RNF145: variants seen among roughly 807,000 people sequenced by gnomAD.
RNF145 encodes ring finger protein 145.
RNF145 carries 12 observed loss-of-function variants against 57.3 expected under a neutral mutation model. The observed-to-expected ratio is 0.21, with a 90% confidence interval of 0.13 to 0.34. The LOEUF (loss-of-function observed/expected upper bound fraction) is 0.34. Among genes scored for constraint, RNF145 ranks in the 10% least tolerant of loss-of-function variants. The pLI is 1.00. For missense variants in RNF145, 429 were observed against 799.0 expected (o/e 0.54, Z 5.58); for synonymous variants, 262 against 288.3 (o/e 0.91, Z 0.92).
chr5:159,208,159 G>T (rs1003704305), intron 1 of RNF145: 13 of 1,408,522 alleles, frequency 9.2e-6, no homozygotes, highest in African/African-American at 1.4e-5. Flanking sequence ...AGATGCGTTT[G>T]AACTACAGTA....
At chr5:159,166,960 AAAATAAAT>A (rs57272070) in intron 8 of RNF145, among the ~76,000 whole-genome samples, 4 of 151,948 alleles carry the variant, frequency 2.6e-5, no homozygotes, top group Non-Finnish European at 5.9e-5. Context: ...TCCATCTCTA[AAAATAAAT>A]AAATAAATAA....
intron 9 of RNF145, 51 bp downstream of exon 9, chr5:159,162,881 G>C (rs778007331): frequency 6.8e-7 from 1 of 1,476,352 alleles, no homozygotes; most frequent in East Asian, 2.3e-5. Context: ...CCTCTGGGAG[G>C]AAAAATAACA....
intron 8 of RNF145, among the ~76,000 whole-genome samples, chr5:159,163,663 G>C (rs1784303627): frequency 1.3e-5 from 2 of 152,152 alleles, no homozygotes; most frequent in African/African-American, 2.4e-5. Context: ...GATCTATCCA[G>C]GACACTGCCA....
At chr5:159,186,755 G>GTATT (rs199890605) in intron 3 of RNF145, among the ~76,000 whole-genome samples, 1,622 of 152,230 alleles carry the variant, frequency 0.011, 29 homozygotes, top group African/African-American at 0.037. Context: ...TTGAGTGCCT[G>GTATT]TATTTGATAA....
intron 1 of RNF145, 37 bp from the exon 2 acceptor site, chr5:159,203,693 GTC>G: frequency 7.0e-7 from 1 of 1,431,754 alleles, no homozygotes; most frequent in Non-Finnish European, 9.5e-7. Context: ...AAAATAAAAA[GTC>G]AACACAAATC....
At chr5:159,180,025 TG>T (rs1173581939) in intron 4 of RNF145, among the ~76,000 whole-genome samples, 1 of 152,062 alleles carries the variant, frequency 6.6e-6, no homozygotes, top group Non-Finnish European at 1.5e-5. Flanking sequence ...GGGGAGGTTG[TG>T]GCTGGCTTCT....
At chr5:159,195,594 T>C (rs1045653942) in intron 2 of RNF145, among the ~76,000 whole-genome samples, 28 of 152,200 alleles carry the variant, frequency 1.8e-4, no homozygotes, top group African/African-American at 6.8e-4. Flanking sequence ...CATCAAAACG[T>C]TGTTACTCTT....
intron 8 of RNF145, 72 bp from the exon 9 acceptor site, chr5:159,163,151 A>T: frequency 7.4e-7 from 1 of 1,359,688 alleles, no homozygotes; most frequent in Non-Finnish European, 1.0e-6. Flanking sequence ...TCAGCAGCTA[A>T]CATCTCTGGT....
chr5:159,199,912 T>C (rs1051822607), intron 2 of RNF145, among the ~76,000 whole-genome samples: 1 of 152,176 alleles, frequency 6.6e-6, no homozygotes, highest in Admixed American at 6.5e-5. Flanking sequence ...CACAATTACA[T>C]TCCATTAAAT....
At chr5:159,172,389 G>C (rs189406754) in intron 6 of RNF145, among the ~76,000 whole-genome samples, 1 of 152,022 alleles carries the variant, frequency 6.6e-6, no homozygotes, top group African/African-American at 2.4e-5. Context: ...GCTGAGGCAG[G>C]AGAATTGCTG....
intron 2 of RNF145, among the ~76,000 whole-genome samples, chr5:159,199,389 G>GA (rs66787021): frequency 0.018 from 2,509 of 140,870 alleles, 28 homozygotes; most frequent in Non-Finnish European, 0.026. Context: ...GAAAAATCAG[G>GA]AAAAAAAAAA....
chr5:159,183,740 A>C (rs997969431), intron 3 of RNF145, among the ~76,000 whole-genome samples: 2 of 152,180 alleles, frequency 1.3e-5, no homozygotes, highest in African/African-American at 2.4e-5. Context: ...GTCATAGCAT[A>C]TCTCTCTCCA....
chr5:159,181,917 T>C, intron 4 of RNF145, 43 bp downstream of exon 4: 1 of 1,109,778 alleles, frequency 9.0e-7, no homozygotes, highest in Non-Finnish European at 1.4e-6. Flanking sequence ...TTAGTAAGAC[T>C]GGTCGGTTCC....
rs1406568960 is a variant in RNF145 at position 159,182,020 on chromosome 5, A to G, written c.325T>C (p.Tyr109His). 2 of 1,609,416 alleles carry G rather than the reference A, an allele frequency of 1.2e-6. No homozygotes were observed. Among genetic ancestry groups the G allele is most frequent in the African/African-American group, 1.3e-5 (1 of 74,806 alleles). ...DYVRSELEFA[Y>H]EGPMYLEPLS... ...GGTTCTAAATACATTGGTCCCTCATAGGCAAACTCCAGTTCACTCCGAACA... is the reference window on the plus strand; with the variant it reads ...GGTTCTAAATACATTGGTCCCTCATGGGCAAACTCCAGTTCACTCCGAACA... Residue 109 changes from tyrosine to histidine, a missense_variant, in exon 4 of 11, where the codon TAT (tyrosine) becomes CAT (histidine). Coordinates refer to ENST00000424310, the MANE Select transcript of RNF145 (RefSeq NM_001199383.2).
At chr5:159,187,079 A>C (rs10077858) in intron 3 of RNF145, among the ~76,000 whole-genome samples, 62,005 of 151,554 alleles carry the variant, frequency 0.41, 15,263 homozygotes, top group African/African-American at 0.68. Flanking sequence ...TCAGGAGTTC[A>C]AGAACAGCCT....
chr5:159,167,161 A>C (rs1784416215), intron 8 of RNF145, among the ~76,000 whole-genome samples: 1 of 152,196 alleles, frequency 6.6e-6, no homozygotes, highest in Non-Finnish European at 1.5e-5. Flanking sequence ...CATTTGTTTT[A>C]AAACATACTG....
At chr5:159,176,175 A>C (rs1392293134) in intron 5 of RNF145, among the ~76,000 whole-genome samples, 1 of 152,144 alleles carries the variant, frequency 6.6e-6, no homozygotes, top group Non-Finnish European at 1.5e-5. Context: ...TAGGACTATA[A>C]TCAGAAGGAA....
chr5:159,196,990 C>G (rs1162779538), intron 2 of RNF145, among the ~76,000 whole-genome samples: 2 of 152,192 alleles, frequency 1.3e-5, no homozygotes, highest in Non-Finnish European at 2.9e-5. Flanking sequence ...GTCATTCAAT[C>G]AACATTATTA....
chr5:159,204,898 C>T (rs1785819375), intron 1 of RNF145, among the ~76,000 whole-genome samples: 1 of 151,552 alleles, frequency 6.6e-6, no homozygotes, highest in Admixed American at 6.6e-5. Context: ...TGACAATATC[C>T]TTTTAAGAAT....
Sources: gnomAD v4.1 joint callset for allele counts (sites outside exome capture counted in the v4.1 genomes callset) on GRCh38, gnomAD v4.1.1 for gene constraint, MANE v1.5 for transcripts, NCBI Gene and HGNC (gene_info 2026-07-23, HGNC 2026-07-21) for gene names.